ATF7IP2: variants seen among roughly 807,000 people sequenced by gnomAD.
The protein encoded by ATF7IP2 is activating transcription factor 7 interacting protein 2.
Under a neutral mutation model 64.2 loss-of-function variants are expected in ATF7IP2, and 42 were observed. That is an observed-to-expected ratio of 0.65 (90% CI 0.51 to 0.85). ATF7IP2 has a LOEUF of 0.85. ATF7IP2 is among the 40% of genes least tolerant of loss of function. The pLI, the probability that ATF7IP2 is intolerant of heterozygous loss-of-function variation, is 0.00. For missense variants in ATF7IP2, 933 were observed against 784.2 expected (o/e 1.19, Z -2.27); for synonymous variants, 308 against 272.8 (o/e 1.13, Z -1.27).
intron 1 of ATF7IP2, among the ~76,000 whole-genome samples, chr16:10,409,195 A>G (rs114525362): frequency 0.012 from 1,810 of 152,252 alleles, 34 homozygotes; most frequent in African/African-American, 0.041. Flanking sequence ...AAGGAAGGGA[A>G]GGGGGATGTG....
chr16:10,457,313 T>G, intron 8 of ATF7IP2, 59 bp from the exon 9 acceptor site: 1 of 1,440,204 alleles, frequency 6.9e-7, no homozygotes, highest in Non-Finnish European at 9.4e-7. Flanking sequence ...CTAATTTTGT[T>G]TGGAAGGATA....
chr16:10,393,917 G>A (rs144932158), intron 1 of ATF7IP2, among the ~76,000 whole-genome samples: 3 of 152,130 alleles, frequency 2.0e-5, no homozygotes, highest in South Asian at 2.1e-4. Flanking sequence ...TGGCACATAC[G>A]TGTAGTCCCA....
intron 1 of ATF7IP2, among the ~76,000 whole-genome samples, chr16:10,402,027 C>G (rs2047545510): frequency 6.6e-6 from 1 of 151,802 alleles, no homozygotes; most frequent in South Asian, 2.1e-4. Flanking sequence ...AGTAGTTTTC[C>G]AATTTTGTTT....
intron 8 of ATF7IP2, among the ~76,000 whole-genome samples, chr16:10,444,101 T>C (rs1025061609): frequency 6.6e-6 from 1 of 152,208 alleles, no homozygotes; most frequent in African/African-American, 2.4e-5. Flanking sequence ...GCCTTTGGGT[T>C]TGTAGGTCCC....
intron 9 of ATF7IP2, among the ~76,000 whole-genome samples, chr16:10,465,517 C>A (rs1437960724): frequency 6.6e-6 from 1 of 151,602 alleles, no homozygotes. Context: ...GAGGCCGAGG[C>A]TCCTGAGGTC....
At chr16:10,418,671 C>CT (rs2047926605) in intron 2 of ATF7IP2, among the ~76,000 whole-genome samples, 1 of 152,168 alleles carries the variant, frequency 6.6e-6, no homozygotes, top group African/African-American at 2.4e-5. Flanking sequence ...GCCTGGGATG[C>CT]TTTAAATATT....
intron 1 of ATF7IP2, chr16:10,386,924 T>G (rs767043204): frequency 2.0e-5 from 3 of 152,224 alleles, no homozygotes; most frequent in Non-Finnish European, 4.4e-5. Context: ...CTTTCCGTGT[T>G]TCTGTGTTGA....
intron 8 of ATF7IP2, chr16:10,449,086 T>G (rs2048903423): frequency 6.6e-6 from 1 of 152,206 alleles, no homozygotes; most frequent in Non-Finnish European, 1.5e-5. Flanking sequence ...TTTTTCTCAT[T>G]GGTTCTGTTT....
intron 5 of ATF7IP2, 113 bp downstream of exon 5, chr16:10,431,568 A>T: frequency 1.5e-6 from 1 of 678,850 alleles, no homozygotes; most frequent in Non-Finnish European, 2.4e-6. Flanking sequence ...GTAAATGATG[A>T]CAATTATTTC....
chr16:10,470,931 T>C (rs771548185), intron 9 of ATF7IP2, among the ~76,000 whole-genome samples: 3 of 151,302 alleles, frequency 2.0e-5, no homozygotes, highest in Non-Finnish European at 4.4e-5. Context: ...GGAAAGAAAG[T>C]TAGAAGACTA....
At chr16:10,436,582 G>GA (rs1486275194) in intron 6 of ATF7IP2, among the ~76,000 whole-genome samples, 1 of 152,078 alleles carries the variant, frequency 6.6e-6, no homozygotes, top group Non-Finnish European at 1.5e-5. Flanking sequence ...AGAGCCTTGG[G>GA]AATGATCAAA....
chr16:10,415,094 C>T (rs771603101), intron 2 of ATF7IP2, among the ~76,000 whole-genome samples: 43 of 152,232 alleles, frequency 2.8e-4, no homozygotes, highest in Non-Finnish European at 5.1e-4. Context: ...ATCAAAGCAT[C>T]GATGACATTC....
chr16:10,452,646 A>G (rs184027593), intron 8 of ATF7IP2, among the ~76,000 whole-genome samples: 1 of 152,314 alleles, frequency 6.6e-6, no homozygotes, highest in East Asian at 1.9e-4. Context: ...TGGGAGATCC[A>G]CTGATCTGCT....
chr16:10,427,613 T>A (rs1005425671), intron 3 of ATF7IP2, among the ~76,000 whole-genome samples: 2 of 152,148 alleles, frequency 1.3e-5, no homozygotes, highest in Admixed American at 1.3e-4. Flanking sequence ...CCCAGCACTT[T>A]GGGAGGCTAA....
At chr16:10,409,034 G>A (rs576554674) in intron 1 of ATF7IP2, among the ~76,000 whole-genome samples, 3 of 152,298 alleles carry the variant, frequency 2.0e-5, no homozygotes, top group East Asian at 1.9e-4. Context: ...TGTCATTCAC[G>A]ATCACAAGAG....
At chr16:10,387,316 A>G (rs574645039) in intron 1 of ATF7IP2, 1 of 152,334 alleles carries the variant, frequency 6.6e-6, no homozygotes, top group East Asian at 1.9e-4. Flanking sequence ...TAGCTCGTTT[A>G]TTCTGCAATA....
At chr16:10,408,689 GT>G (rs879074797) in intron 1 of ATF7IP2, among the ~76,000 whole-genome samples, 1 of 151,826 alleles carries the variant, frequency 6.6e-6, no homozygotes, top group East Asian at 1.9e-4. Context: ...GGGATTATTT[GT>G]TTTTTTTCTT....
At chr16:10,471,493 A>G (rs1412577355) in intron 9 of ATF7IP2, among the ~76,000 whole-genome samples, 1 of 152,156 alleles carries the variant, frequency 6.6e-6, no homozygotes, top group Non-Finnish European at 1.5e-5. Context: ...GCGCCACTGC[A>G]CTTCAGCCTG....
intron 5 of ATF7IP2, 54 bp from the exon 6 acceptor site, chr16:10,433,471 A>G: frequency 6.5e-7 from 1 of 1,546,518 alleles, no homozygotes; most frequent in Non-Finnish European, 8.8e-7. Context: ...CACCACACTG[A>G]ACCTGTTTTT....
Sources: gnomAD v4.1 joint callset for allele counts (sites outside exome capture counted in the v4.1 genomes callset) on GRCh38, gnomAD v4.1.1 for gene constraint, MANE v1.5 for transcripts, NCBI Gene and HGNC (gene_info 2026-07-23, HGNC 2026-07-21) for gene names.